Variants in SVEP1 observed in about 807,000 individuals in gnomAD.
SVEP1 encodes sushi, von Willebrand factor type A, EGF and pentraxin domain-containing protein 1.
A neutral mutation model predicts 367.3 loss-of-function variants in SVEP1; 164 were observed. That is an observed-to-expected ratio of 0.45 (90% CI 0.39 to 0.51). The LOEUF (loss-of-function observed/expected upper bound fraction) is 0.51. SVEP1 is among the 20% of genes least tolerant of loss of function. The probability of loss-of-function intolerance (pLI) is 0.00; values close to 1 mark genes in which losing one functional copy is unlikely to be tolerated. For missense variants in SVEP1, 4,117 were observed against 4,425.3 expected (o/e 0.93, Z 1.98); for synonymous variants, 1,666 against 1,611.6 (o/e 1.03, Z -0.81).
chr9:110,435,413 T>C lies in SVEP1; in HGVS notation c.4765-49A>G, dbSNP rs779346661. On this transcript the variant is annotated intron_variant, in intron 28 of 47. Transcript: ENST00000374469. ...ATAAGCCTTACTTGTTCCATTAAGA[T>C]GGAGTTATTACACATTAATTTAGTC... The C allele has an allele frequency of 2.5e-6, 4 of 1,599,374 alleles. No individual in the cohort carries two copies. In the South Asian group the frequency reaches 3.4e-5, roughly 13 times the overall value.
At chr9:110,549,757 G>C (rs1246791843) in intron 2 of SVEP1, 92 bp downstream of exon 2, 24 of 1,502,652 alleles carry the variant, frequency 1.6e-5, no homozygotes, top group Admixed American at 2.0e-5. Context: ...CCTTGTGAGA[G>C]TTTGATATTA....
intron 14 of SVEP1, among the ~76,000 whole-genome samples, chr9:110,474,300 T>G (rs1829067367): frequency 6.6e-6 from 1 of 152,164 alleles, no homozygotes; most frequent in Non-Finnish European, 1.5e-5. Flanking sequence ...TTGCCTGGCC[T>G]AGTTTTAATT....
Position 110,387,354 on chromosome 9 carries a change from G to C in SVEP1, c.9991C>G (p.Leu3331Val). Residue 3331 changes from leucine (L) to valine (V), a missense_variant, in exon 42 of 48, where the codon CTT (leucine) becomes GTT (valine). Leu to Val is a conservative substitution (Grantham distance 32). Transcript: ENST00000374469. ...CAGTGTGCCTCAGATGGCCCTTCAA[G>C]ACTGTAGCCTCTGTTGCAGGAATAT... ...VVYSCNRGYS[L>V]EGPSEAHCTE... 1 of 1,613,720 alleles carries C rather than the reference G, an allele frequency of 6.2e-7. No individual in the cohort carries two copies. Among genetic ancestry groups the C allele is most frequent in the African/African-American group, 1.3e-5 (1 of 75,032 alleles).
chr9:110,546,031 G>T, intron 3 of SVEP1, 84 bp downstream of exon 3: 1 of 1,447,116 alleles, frequency 6.9e-7, no homozygotes, highest in Non-Finnish European at 9.4e-7. Context: ...GCAATAACAA[G>T]CATGTATTCC....
intron 40 of SVEP1, among the ~76,000 whole-genome samples, chr9:110,396,381 C>T (rs1308511774): frequency 6.6e-6 from 1 of 151,904 alleles, no homozygotes; most frequent in Non-Finnish European, 1.5e-5. Flanking sequence ...CACTAAATGC[C>T]CACAAGAGAA....
intron 36 of SVEP1, among the ~76,000 whole-genome samples, chr9:110,412,903 G>A (rs1469841676): frequency 1.3e-5 from 2 of 151,614 alleles, no homozygotes; most frequent in Non-Finnish European, 3.0e-5. Context: ...AGGTGCTGGA[G>A]AGGATGTGGA....
At chr9:110,466,086 C>T in intron 17 of SVEP1, 60 bp from the exon 18 acceptor site, 1 of 1,544,276 alleles carries the variant, frequency 6.5e-7, no homozygotes, top group Non-Finnish European at 8.8e-7. Flanking sequence ...AAAATTAGTA[C>T]TGTGCGGGAT....
intron 42 of SVEP1, 134 bp from the exon 43 acceptor site, chr9:110,386,208 C>T (rs1326258787): frequency 1.1e-6 from 1 of 896,730 alleles, no homozygotes; most frequent in Non-Finnish European, 1.6e-6. Flanking sequence ...ATATGGAACT[C>T]CAAACATTAG....
At chr9:110,473,047 T>G (rs1829045215) in intron 14 of SVEP1, among the ~76,000 whole-genome samples, 1 of 152,198 alleles carries the variant, frequency 6.6e-6, no homozygotes, top group African/African-American at 2.4e-5. Flanking sequence ...GTCTGTGGAT[T>G]AAATGAGACA....
chr9:110,423,400 A>G (rs77474254), intron 36 of SVEP1, among the ~76,000 whole-genome samples: 5,619 of 152,126 alleles, frequency 0.037, 341 homozygotes, highest in African/African-American at 0.13. Context: ...ATTAATAGAC[A>G]TGTAAATAAA....
intron 1 of SVEP1, among the ~76,000 whole-genome samples, chr9:110,577,785 A>C (rs1197631480): frequency 1.3e-5 from 2 of 152,150 alleles, no homozygotes; most frequent in Non-Finnish European, 2.9e-5. Context: ...ACAAACAAGC[A>C]CTATAATGGC....
In SVEP1 at chr9:110,569,430, T is replaced by C. The variant is rs1442568185; in HGVS notation, c.531+9583A>G. Among the ~76,000 whole-genome samples, 6 of 134,314 alleles carry C rather than the reference T, an allele frequency of 4.5e-5. No individual in the cohort carries two copies. The Admixed American group carries it at 5.0e-4, about 11-fold the overall frequency. The allele number at this position is 134,314 out of a possible 152,430, so 88.1% of individuals were successfully genotyped here. Reference sequence around the variant, plus strand: ...GAGATTGCGCCATTGCATTCCAGCCTGGGCAACAAGAGTGAAACTCAGTCT... The same window carrying C: ...GAGATTGCGCCATTGCATTCCAGCCCGGGCAACAAGAGTGAAACTCAGTCT... On this transcript the variant is annotated intron_variant, in intron 1 of 47. Coordinates refer to ENST00000374469, the MANE Select transcript of SVEP1 (RefSeq NM_153366.4).
rs1016738712 is a variant in SVEP1 at position 110,404,303 on chromosome 9, A to T, written c.9666+24T>A. 5.6e-6 allele frequency: 9 copies of T among 1,608,898 alleles called. No homozygotes were observed. In the East Asian group the frequency reaches 2.0e-4, roughly 36 times the overall value. On this transcript the variant is annotated intron_variant, in intron 39 of 47. Transcript: ENST00000374469. ...ATATATGTATATGTAGGCATTACAC[A>T]TTCTAATTAAGACAGAATCTTACCT...
At position 110,366,491 on chromosome 9, in the gene SVEP1, G is replaced by A. The variant is rs749401741; in HGVS notation, c.*48C>T. 7.2e-6 allele frequency: 11 copies of A among 1,531,208 alleles called. No individual in the cohort carries two copies. Among genetic ancestry groups the A allele is most frequent in the Admixed American group, 4.4e-5 (2 of 45,534 alleles). 94.9% of individuals were successfully genotyped at this position (1,531,208 alleles called of 1,614,324 possible). On this transcript the variant is annotated 3_prime_UTR_variant, in exon 48 of 48. Coordinates refer to ENST00000374469, the MANE Select transcript of SVEP1 (RefSeq NM_153366.4). ...AGTTCCAGGATGCCCAGGCACTACCGAGGAGAGATGATCCTGCTTTTGGGA... is the reference window on the plus strand; with the variant it reads ...AGTTCCAGGATGCCCAGGCACTACCAAGGAGAGATGATCCTGCTTTTGGGA...
At chr9:110,380,912 T>A (rs1301768996) in intron 43 of SVEP1, among the ~76,000 whole-genome samples, 1 of 152,172 alleles carries the variant, frequency 6.6e-6, no homozygotes, top group Non-Finnish European at 1.5e-5. Context: ...CCTGGTTCAG[T>A]CTTGGAAGGG....
intron 8 of SVEP1, 149 bp from the exon 9 acceptor site, chr9:110,489,928 C>G (rs1829341675): frequency 9.8e-7 from 1 of 1,020,874 alleles, no homozygotes; most frequent in Admixed American, 3.3e-5. Context: ...TATTTCTTTC[C>G]AGATTATTCT....
Position 110,579,005 on chromosome 9 carries a change from C to A in SVEP1, c.531+8G>T. 6.5e-7 allele frequency: 1 copy of A among 1,535,404 alleles called. No individual in the cohort carries two copies. The highest frequency in any genetic ancestry group is 8.8e-7 in the Non-Finnish European group (1 of 1,142,294). On this transcript the variant is annotated splice_region_variant and intron_variant, in intron 1 of 47. Transcript: ENST00000374469. This position sits in a 1 kb window ranked among gnomAD's most constrained non-coding sequence, Gnocchi z 5.3. ...TAGGGCCCGGGTCGGGAGGGGCGGG[C>A]GCCTTACCGCGGCTTGCTGGAAGGC...
At chr9:110,537,843 A>AT (rs879673663) in intron 3 of SVEP1, among the ~76,000 whole-genome samples, 57 of 146,122 alleles carry the variant, frequency 3.9e-4, no homozygotes, top group East Asian at 1.6e-3. Context: ...TAAATTTTCC[A>AT]TTTTTTTTTT....
chr9:110,385,771 G>A (rs1043198486), intron 43 of SVEP1, 127 bp downstream of exon 43: 36 of 993,982 alleles, frequency 3.6e-5, no homozygotes, highest in Non-Finnish European at 4.3e-5. Flanking sequence ...TAATGAGGAA[G>A]ATGATAACTG....
Sources: allele counts gnomAD v4.1 joint callset (sites outside exome capture counted in the v4.1 genomes callset), GRCh38; gene constraint gnomAD v4.1.1; non-coding constraint Gnocchi (gnomAD v3.1); transcripts MANE v1.5; gene names NCBI Gene and HGNC (gene_info 2026-07-23, HGNC 2026-07-21).